MTM1: variants seen among roughly 807,000 people sequenced by gnomAD.
MTM1 encodes the protein myotubularin 1.
In MTM1, 9 loss-of-function variants were observed where a neutral mutation model predicts 52.1. That is an observed-to-expected ratio of 0.17 (90% CI 0.10 to 0.30). The LOEUF is 0.30. MTM1 is among the 10% of genes least tolerant of loss of function. MTM1 has a pLI of 1.00. For missense variants in MTM1, 277 were observed against 470.7 expected (o/e 0.59, Z 3.81); for synonymous variants, 136 against 163.8 (o/e 0.83, Z 1.29).
intron 13 of MTM1, among the ~76,000 whole-genome samples, chrX:150,663,060 T>C (rs2040250001): frequency 8.9e-6 from 1 of 112,205 alleles, no homozygotes; most frequent in African/African-American, 3.2e-5. Context: ...GTTTTAAAAG[T>C]CATTGGGATC....
chrX:150,649,680 C>G, intron 9 of MTM1, 36 bp from the exon 10 acceptor site: 2 of 1,141,561 alleles, frequency 1.8e-6, no homozygotes, highest in Non-Finnish European at 2.4e-6. Context: ...AAATAGAAAA[C>G]TCAACTGATT....
intron 5 of MTM1, among the ~76,000 whole-genome samples, chrX:150,617,226 G>A: frequency 8.9e-6 from 1 of 112,470 alleles, no homozygotes; most frequent in African/African-American, 3.2e-5. Context: ...AAATATTCAT[G>A]TAGAGATGGT....
intron 7 of MTM1, among the ~76,000 whole-genome samples, chrX:150,639,507 A>T (rs2039813117): frequency 1.8e-5 from 2 of 112,493 alleles, no homozygotes; most frequent in African/African-American, 6.5e-5. Flanking sequence ...GGAAGCTTTG[A>T]TAAGTGTACA....
Position 150,671,562 on chromosome X carries a change from G to A in MTM1, c.1779G>A (p.Ser593=), listed in dbSNP as rs782375296. ...SDPPTSPSSP[S]QMMPHVQTHF Reference sequence around the variant, plus strand: ...CCCCAACTTCACCTTCCAGTCCTTCGCAAATGATGCCCCATGTGCAAACTC... The same window carrying A: ...CCCCAACTTCACCTTCCAGTCCTTCACAAATGATGCCCCATGTGCAAACTC... Residue 593 remains serine, a synonymous_variant, in exon 15 of 15, where the codon TCG becomes TCA. Transcript: ENST00000370396. The A allele has an allele frequency of 3.1e-5, 37 of 1,209,012 alleles. No homozygotes were observed. Among genetic ancestry groups the A allele is most frequent in the Non-Finnish European group, 3.7e-5 (33 of 895,152 alleles).
chrX:150,588,326 G>A (rs993974449), intron 1 of MTM1, among the ~76,000 whole-genome samples: 1 of 111,757 alleles, frequency 8.9e-6, no homozygotes, highest in Non-Finnish European at 1.9e-5. Flanking sequence ...ATACAGAAAA[G>A]TTCAGAAAAA....
chrX:150,570,622 T>C (rs138805860), intron 1 of MTM1, among the ~76,000 whole-genome samples: 3 of 111,733 alleles, frequency 2.7e-5, no homozygotes, highest in Non-Finnish European at 5.6e-5. Flanking sequence ...TACAGAAAGC[T>C]CTGCTGAGGT....
chrX:150,652,604 C>CATAT (rs201667752), intron 10 of MTM1, among the ~76,000 whole-genome samples: 5 of 92,133 alleles, frequency 5.4e-5, no homozygotes, highest in Non-Finnish European at 1.1e-4. Context: ...TATATATATA[C>CATAT]ATATATATAT....
intron 10 of MTM1, among the ~76,000 whole-genome samples, chrX:150,653,977 A>G (rs782064521): frequency 9.0e-6 from 1 of 111,459 alleles, no homozygotes; most frequent in Non-Finnish European, 1.9e-5. Context: ...GAGAGAAACC[A>G]TGGTTACTCA....
intron 4 of MTM1, among the ~76,000 whole-genome samples, chrX:150,602,919 C>A (rs1477905907): frequency 8.9e-6 from 1 of 111,872 alleles, no homozygotes; most frequent in Non-Finnish European, 1.9e-5. Context: ...GCCTGCATAA[C>A]CTCATAGGAT....
chrX:150,576,399 C>T (rs1157218224), intron 1 of MTM1, among the ~76,000 whole-genome samples: 2 of 111,823 alleles, frequency 1.8e-5, no homozygotes, highest in Non-Finnish European at 3.8e-5. Flanking sequence ...CTGCATCCTA[C>T]TATTGTTTGT....
chrX:150,633,410 G>A (rs193099212), intron 6 of MTM1, among the ~76,000 whole-genome samples: 1 of 112,209 alleles, frequency 8.9e-6, no homozygotes, highest in African/African-American at 3.2e-5. Context: ...TGAACTTACT[G>A]TGTCAAGTCG....
Position 150,672,672 on chromosome X carries a change from T to TA in MTM1, c.*1077_*1078insA. 1 of 112,504 alleles carries TA rather than the reference T, an allele frequency of 8.9e-6. No homozygotes were observed. Among genetic ancestry groups the TA allele is most frequent in the South Asian group, 3.6e-4 (1 of 2,750 alleles). 9.3% of individuals were successfully genotyped at this position (112,504 alleles called of 1,213,427 possible). A position where few individuals can be genotyped will look rare whatever the true frequency, so the allele number is the denominator to read the frequency against. On this transcript the variant is annotated 3_prime_UTR_variant, in exon 15 of 15. Transcript: ENST00000370396. ...CAGGCCGTTTGCTTTTTCAGGTTGT[T>TA]TTGTTTTATAGTATTAAGTGAAATT... is the stretch of plus-strand genomic sequence containing the variant.
At chrX:150,585,428 G>T (rs1280980237) in intron 1 of MTM1, among the ~76,000 whole-genome samples, 2 of 112,076 alleles carry the variant, frequency 1.8e-5, no homozygotes, top group Non-Finnish European at 3.8e-5. Flanking sequence ...AAAGTAAGGA[G>T]ATGTTTTGAT....
intron 1 of MTM1, among the ~76,000 whole-genome samples, chrX:150,583,782 AAAATATATATAAAATATATATT>A (rs1557412088): frequency 2.0e-5 from 1 of 49,599 alleles, no homozygotes; most frequent in African/African-American, 7.4e-5. Flanking sequence ...TTTAATATAT[AAAATATATATAAAATATATATT>A]AAATATATAT....
chrX:150,570,411 A>G (rs1437942039), intron 1 of MTM1, among the ~76,000 whole-genome samples: 1 of 111,777 alleles, frequency 8.9e-6, no homozygotes, highest in Non-Finnish European at 1.9e-5. Context: ...AATAAATCCA[A>G]AAGTAAATCT....
At chrX:150,669,842 A>G (rs2040368205) in intron 14 of MTM1, among the ~76,000 whole-genome samples, 2 of 112,230 alleles carry the variant, frequency 1.8e-5, no homozygotes, top group Non-Finnish European at 3.8e-5. Flanking sequence ...CTCTGATGCT[A>G]GTTTCTTTTG....
chrX:150,671,436 T>C lies in MTM1; in HGVS notation c.1653T>C (p.Asn551=). The C allele has an allele frequency of 8.3e-7, 1 of 1,211,416 alleles. No individual in the cohort carries two copies. Among genetic ancestry groups the C allele is most frequent in the Non-Finnish European group, 1.1e-6 (1 of 895,441 alleles). The stretch of plus-strand genomic sequence containing the variant: ...TCTCTGGTTCTCTCCAGCAGCCGAA[T>C]CCAGTGGAGCAGCGTTACATGGAGC... The part of the protein sequence containing the change: ...WNPRIKQQQP[N]PVEQRYMELL... Residue 551 remains asparagine (N), a synonymous_variant, in exon 15 of 15, where the codon AAT becomes AAC. Transcript: ENST00000370396.
chrX:150,577,758 C>A (rs955332985), intron 1 of MTM1, among the ~76,000 whole-genome samples: 4 of 112,757 alleles, frequency 3.5e-5, no homozygotes, highest in Non-Finnish European at 5.6e-5. Context: ...TGTGCAAGAG[C>A]AAGGAGTTTT....
At chrX:150,640,772 C>T (rs782130026) in intron 7 of MTM1, among the ~76,000 whole-genome samples, 1 of 111,816 alleles carries the variant, frequency 8.9e-6, no homozygotes, top group Non-Finnish European at 1.9e-5. Flanking sequence ...TTTACTTCCC[C>T]TCATGATTTT....
Sources: gnomAD v4.1 joint callset for allele counts (sites outside exome capture counted in the v4.1 genomes callset) on GRCh38, gnomAD v4.1.1 for gene constraint, MANE v1.5 for transcripts, NCBI Gene and HGNC (gene_info 2026-07-23, HGNC 2026-07-21) for gene names.